Variants in ZNF821 observed in about 807,000 individuals in gnomAD.
ZNF821 encodes the protein zinc finger protein 821.
Under a neutral mutation model 44.3 loss-of-function variants are expected in ZNF821, and 16 were observed. That is an observed-to-expected ratio of 0.36 (90% confidence interval 0.24 to 0.55). The LOEUF (loss-of-function observed/expected upper bound fraction) is 0.55, where lower values mean the gene tolerates loss of function less well. Ranked by LOEUF, ZNF821 falls within the 20% of genes least tolerant of loss-of-function variation. The pLI is 0.86. For missense variants in ZNF821, 436 were observed against 547.6 expected, an observed-to-expected ratio of 0.80 and a Z score of 2.03; for synonymous variants, 204 against 197.6, an observed-to-expected ratio of 1.03 and a Z score of -0.27.
exon 1 of ZNF821, chr16:71,895,150 G>A (rs892074245): frequency 2.2e-5 from 6 of 267,864 alleles, no homozygotes; most frequent in East Asian, 1.8e-4. Context: ...AGCAACTCCC[G>A]GCGTCAGAGA....
intron 5 of ZNF821, 107 bp downstream of exon 5, chr16:71,864,796 C>A: frequency 7.0e-7 from 1 of 1,428,430 alleles, no homozygotes; most frequent in Non-Finnish European, 9.6e-7. Flanking sequence ...CCATGCAGGC[C>A]CAGGAGACCA....
intron 3 of ZNF821, among the ~76,000 whole-genome samples, chr16:71,871,041 G>A (rs987278877): frequency 1.3e-5 from 2 of 152,174 alleles, no homozygotes; most frequent in Admixed American, 1.3e-4. Context: ...AAAAGGATAT[G>A]TACCTTTCAA....
rs866688894 is a variant in ZNF821 at position 71,867,833 on chromosome 16, G to C, written c.166+79C>G. 4.0e-6 allele frequency: 6 copies of C among 1,500,658 alleles called. No homozygotes were observed. The Middle Eastern group carries it at 8.5e-4, about 211-fold the overall frequency. The allele number at this position is 1,500,658 out of a possible 1,614,324, so 93.0% of individuals were successfully genotyped here. On this transcript the variant is annotated intron_variant, in intron 4 of 7. Transcript: ENST00000425432. Reference sequence around the variant, plus strand: ...TTCATGTCTTTCTCCCAACCCCCATGCACAATCCCCAGAGCACACACACTC... The same window carrying C: ...TTCATGTCTTTCTCCCAACCCCCATCCACAATCCCCAGAGCACACACACTC...
chr16:71,895,148 C>CCTAACA (rs1395147915), exon 1 of ZNF821: 1 of 268,438 alleles, frequency 3.7e-6, no homozygotes, highest in Non-Finnish European at 7.2e-6. Flanking sequence ...GGAGCAACTC[C>CCTAACA]CGGCGTCAGA....
intron 3 of ZNF821, among the ~76,000 whole-genome samples, chr16:71,879,548 AC>A (rs1256190073): frequency 6.6e-6 from 1 of 152,222 alleles, no homozygotes; most frequent in African/African-American, 2.4e-5. Context: ...AGGTTACAAT[AC>A]GGTCTTATAG....
intron 3 of ZNF821, among the ~76,000 whole-genome samples, chr16:71,871,885 G>T (rs1425643849): frequency 6.6e-6 from 1 of 151,230 alleles, no homozygotes; most frequent in Non-Finnish European, 1.5e-5. Flanking sequence ...AGGCTGGAGT[G>T]CAATGGCGCA....
In ZNF821 at chr16:71,864,897, A is replaced by C; in HGVS notation, c.312+6T>G. The C allele has an allele frequency of 6.2e-7, 1 of 1,614,106 alleles. No individual in the cohort carries two copies. Among genetic ancestry groups the C allele is most frequent in the African/African-American group, 1.3e-5 (1 of 75,052 alleles). On this transcript the variant is annotated splice_donor_region_variant and intron_variant, in intron 5 of 7. Transcript: ENST00000425432. Reference sequence around the variant, plus strand: ...GGACCTGGACCCAGGGGCCATCGTCACTTGCCTCGTGCTCTACCACTTCGT... The same window carrying C: ...GGACCTGGACCCAGGGGCCATCGTCCCTTGCCTCGTGCTCTACCACTTCGT...
In ZNF821 at chr16:71,866,213, G is replaced by A. The variant is rs540651066; in HGVS notation, c.167-1165C>T. 2.6e-5 allele frequency among the ~76,000 whole-genome samples: 4 copies of A among 152,264 alleles called. No homozygotes were observed. In the East Asian group the frequency reaches 7.7e-4, roughly 29 times the overall value. On this transcript the variant is annotated intron_variant, in intron 4 of 7. Coordinates refer to ENST00000425432, the MANE Select transcript of ZNF821 (RefSeq NM_001201552.2). ...AGATTTCCTAGCTAACAGTGTGCCT[G>A]TCTTCTCTACTACCCTTGCATAATA...
upstream of ZNF821, among the ~76,000 whole-genome samples, chr16:71,889,351 C>T (rs146066766): frequency 6.6e-6 from 1 of 152,240 alleles, no homozygotes; most frequent in East Asian, 1.9e-4. Context: ...CACTTCATAG[C>T]TTTAAGCTTC....
In ZNF821 at chr16:71,864,220, T is replaced by A. The variant is rs745696990; in HGVS notation, c.335A>T (p.Asp112Val). Reference protein sequence around the residue: ...EHEVTGNLNSDPLLELCQCPL... With the variant: ...EHEVTGNLNSVPLLELCQCPL... ...ACACTGGCAGAGTTCAAGCAAGGGG[T>A]CAGAATTCAAATTCCCTGTGACCTG... The change falls in exon 6 of 8, where the codon GAC becomes GTC. Residue 112 changes from aspartate to valine, a missense_variant. Physicochemically the swap from Asp to Val is radical, Grantham distance 152 (BLOSUM62 -3). Around this residue, in one of 5 missense-constraint regions of ZNF821, gnomAD observed 238 missense variants for 281.4 expected, o/e 0.85. Coordinates refer to ENST00000425432, the MANE Select transcript of ZNF821 (RefSeq NM_001201552.2). The A allele has an allele frequency of 6.2e-7, 1 of 1,614,130 alleles. No homozygotes were observed. Among genetic ancestry groups the A allele is most frequent in the Non-Finnish European group, 8.5e-7 (1 of 1,180,026 alleles).
chr16:71,883,076 G>C (rs1254451013), intron 2 of ZNF821, 135 bp downstream of exon 2: 2 of 456,186 alleles, frequency 4.4e-6, no homozygotes, highest in East Asian at 1.4e-4. Context: ...CCTCGGGAAG[G>C]TGCAACGTCT....
intron 3 of ZNF821, among the ~76,000 whole-genome samples, chr16:71,875,340 G>T (rs1002441787): frequency 2.6e-5 from 4 of 152,082 alleles, no homozygotes; most frequent in Non-Finnish European, 4.4e-5. Flanking sequence ...GGAGTGCAGT[G>T]GTGTGATCTT....
intron 4 of ZNF821, among the ~76,000 whole-genome samples, chr16:71,866,175 C>T (rs1012950265): frequency 2.6e-5 from 4 of 152,052 alleles, no homozygotes; most frequent in African/African-American, 9.7e-5. Context: ...ACCAGGCTGT[C>T]CGCAGGAAAC....
intron 5 of ZNF821, chr16:71,864,624 C>T (rs1299823123): frequency 2.2e-6 from 1 of 458,962 alleles, no homozygotes; most frequent in Non-Finnish European, 3.9e-6. Context: ...AGTCAGCTTT[C>T]TACTTCAACA....
intron 3 of ZNF821, among the ~76,000 whole-genome samples, chr16:71,869,323 C>T (rs1400007444): frequency 1.3e-5 from 2 of 152,174 alleles, no homozygotes; most frequent in African/African-American, 2.4e-5. Flanking sequence ...GTGGGAGGAA[C>T]TAAATGGTGA....
intron 3 of ZNF821, among the ~76,000 whole-genome samples, chr16:71,873,678 G>C (rs1186688562): frequency 6.6e-6 from 1 of 152,122 alleles, no homozygotes; most frequent in East Asian, 1.9e-4. Context: ...TTTTGAGATA[G>C]GGTTTTGGTC....
upstream of ZNF821, among the ~76,000 whole-genome samples, chr16:71,887,988 G>A (rs1360614390): frequency 6.6e-5 from 10 of 150,752 alleles, no homozygotes; most frequent in African/African-American, 9.8e-5. Context: ...TCAGCCTCCC[G>A]AGTAGCTGGG....
intron 2 of ZNF821, chr16:71,882,017 C>T (rs2036470372): frequency 6.6e-6 from 1 of 152,076 alleles, no homozygotes; most frequent in African/African-American, 2.4e-5. Flanking sequence ...CGCCTGTAAT[C>T]CCAGCACTTT....
intron 3 of ZNF821, among the ~76,000 whole-genome samples, chr16:71,876,927 C>T (rs2035886734): frequency 6.6e-6 from 1 of 152,046 alleles, no homozygotes; most frequent in South Asian, 2.1e-4. Flanking sequence ...TTTTATCTTC[C>T]TTGACAATCC....
Sources: gnomAD v4.1 joint callset for allele counts (sites outside exome capture counted in the v4.1 genomes callset) on GRCh38, gnomAD v4.1.1 for gene constraint, gnomAD v4.1.1 regional missense constraint, MANE v1.5 for transcripts, NCBI Gene and HGNC (gene_info 2026-07-23, HGNC 2026-07-21) for gene names.